The following TIAM1 variants were observed in gnomAD, a reference collection of about 807,000 sequenced individuals.
The protein encoded by TIAM1 is TIAM Rac1 associated GEF 1.
In TIAM1, 65 loss-of-function variants were observed where a neutral mutation model predicts 163.5. That is an observed-to-expected ratio of 0.40 (90% CI 0.33 to 0.49). The LOEUF (loss-of-function observed/expected upper bound fraction) is 0.49. Ranked by LOEUF, TIAM1 falls within the 20% of genes least tolerant of loss-of-function variation. The pLI, the probability that TIAM1 is intolerant of heterozygous loss-of-function variation, is 0.77. For synonymous variants in TIAM1, 833 were observed against 810.1 expected, an observed-to-expected ratio of 1.03 and a Z score of -0.48; for missense variants, 1,789 against 2,044.7, an observed-to-expected ratio of 0.87 and a Z score of 2.41.
chr21:31,353,683 A>G (rs2076269733), intron 2 of TIAM1, among the ~76,000 whole-genome samples: 1 of 152,284 alleles, frequency 6.6e-6, no homozygotes, highest in East Asian at 1.9e-4. Flanking sequence ...TCAACAAGTA[A>G]GAGGCAGGTC....
intron 2 of TIAM1, among the ~76,000 whole-genome samples, chr21:31,402,033 T>C (rs1336360644): frequency 6.6e-6 from 1 of 151,690 alleles, no homozygotes; most frequent in Non-Finnish European, 1.5e-5. Context: ...GCCAACATGG[T>C]GAAACCCCGT....
At chr21:31,210,273 T>G in intron 10 of TIAM1, 58 bp from the exon 11 acceptor site, 1 of 1,565,256 alleles carries the variant, frequency 6.4e-7, no homozygotes, top group Non-Finnish European at 8.7e-7. Flanking sequence ...CAACCCTAGA[T>G]TCCCAGACTG....
At chr21:31,387,998 C>T (rs1276126313) in intron 2 of TIAM1, among the ~76,000 whole-genome samples, 1 of 152,052 alleles carries the variant, frequency 6.6e-6, no homozygotes, top group Non-Finnish European at 1.5e-5. Flanking sequence ...GTGGCACCTT[C>T]TCTCACTCTG....
chr21:31,272,619 T>G (rs2073109711), intron 3 of TIAM1, among the ~76,000 whole-genome samples: 1 of 152,192 alleles, frequency 6.6e-6, no homozygotes, highest in South Asian at 2.1e-4. Flanking sequence ...TGCATACAAT[T>G]TCCTGTGAAT....
intron 2 of TIAM1, among the ~76,000 whole-genome samples, chr21:31,384,226 G>T (rs545218296): frequency 6.6e-6 from 1 of 151,532 alleles, no homozygotes; most frequent in Non-Finnish European, 1.5e-5. Flanking sequence ...ATCTGAAGAG[G>T]ATGGAAATAG....
Position 31,395,519 on chromosome 21 carries a change from A to G in TIAM1, c.-368-56097T>C, listed in dbSNP as rs1178770806. ...CACAGCCAATCACCAGATACGCCAC[A>G]GAGGCGAAGAGAAGGGCCAACCCTG... On this transcript the variant is annotated intron_variant, in intron 2 of 28. Coordinates refer to the TIAM1 transcript ENST00000286827. The surrounding 1 kb of genome is among the most constrained non-coding windows in gnomAD (Gnocchi z 7.5). 1.3e-5 allele frequency among the ~76,000 whole-genome samples: 2 copies of G among 152,224 alleles called. No homozygotes were observed. The highest frequency in any genetic ancestry group is 2.9e-5 in the Non-Finnish European group (2 of 68,044).
intron 2 of TIAM1, among the ~76,000 whole-genome samples, chr21:31,424,425 G>A (rs544457787): frequency 6.6e-6 from 1 of 152,302 alleles, no homozygotes; most frequent in Non-Finnish European, 1.5e-5. Flanking sequence ...TAAACGAAAT[G>A]CGGTGTAGAC....
chr21:31,157,936 G>T (rs1377980389), intron 16 of TIAM1, among the ~76,000 whole-genome samples: 4 of 152,118 alleles, frequency 2.6e-5, no homozygotes, highest in Non-Finnish European at 5.9e-5. Flanking sequence ...CATATCAAAG[G>T]CAGGAAATTC....
Position 31,266,291 on chromosome 21 carries a change from T to C in TIAM1, c.682A>G (p.Arg228Gly). The C allele has an allele frequency of 1.2e-6, 2 of 1,614,230 alleles. No homozygotes were observed. Among genetic ancestry groups the C allele is most frequent in the Non-Finnish European group, 1.7e-6 (2 of 1,180,038 alleles). The change falls in exon 4 of 28, where the codon AGA becomes GGA. Residue 228 changes from arginine to glycine, a missense_variant. Physicochemically the swap from Arg to Gly is moderately radical, Grantham distance 125. Around this residue, in one of 5 missense-constraint regions of TIAM1, gnomAD observed 555 missense variants for 564.9 expected, o/e 0.98. Transcript: ENST00000541036. ...TACAAGTCACCCAAGGAATTGGCTC[T>C]CTGACAGGTGCTGAGCTGCCGCGGA... ...ASPRQLSTCQRANSLGDLYAQ... is the reference protein window; with the variant it reads ...ASPRQLSTCQGANSLGDLYAQ...
At chr21:31,409,960 G>A (rs1050580839) in intron 2 of TIAM1, among the ~76,000 whole-genome samples, 1 of 151,840 alleles carries the variant, frequency 6.6e-6, no homozygotes, top group Non-Finnish European at 1.5e-5. Flanking sequence ...TCCTTTGAGA[G>A]AAAAAAGGAG....
intron 1 of TIAM1, among the ~76,000 whole-genome samples, chr21:31,522,764 C>T (rs894563289): frequency 6.6e-6 from 1 of 152,196 alleles, no homozygotes; most frequent in African/African-American, 2.4e-5. Context: ...CAAATGGGAT[C>T]ACTGGCTATA....
intron 2 of TIAM1, among the ~76,000 whole-genome samples, chr21:31,367,352 C>A (rs1239297116): frequency 6.6e-6 from 1 of 152,122 alleles, no homozygotes; most frequent in Non-Finnish European, 1.5e-5. Context: ...TTGATTTGCA[C>A]CAAGACTTAG....
At chr21:31,157,569 G>A (rs955786567) in intron 16 of TIAM1, among the ~76,000 whole-genome samples, 1 of 151,960 alleles carries the variant, frequency 6.6e-6, no homozygotes, top group African/African-American at 2.4e-5. Flanking sequence ...ACAGCTCAGG[G>A]TGCAAGGCAG....
chr21:31,431,057 A>ACCAGGC (rs776752267), intron 2 of TIAM1, among the ~76,000 whole-genome samples: 45 of 152,290 alleles, frequency 3.0e-4, no homozygotes, highest in Non-Finnish European at 4.0e-4. Context: ...CCCAGAGGTG[A>ACCAGGC]CCAGGCCCTT....
chr21:31,343,651 C>T (rs1488412693), intron 1 of TIAM1, among the ~76,000 whole-genome samples: 1 of 152,068 alleles, frequency 6.6e-6, no homozygotes. Flanking sequence ...CTGAATATTC[C>T]TTCGGAACTT....
rs530742315 is a variant in TIAM1 at position 31,169,982 on chromosome 21, G to C, written c.2888-4917C>G. On this transcript the variant is annotated intron_variant, in intron 15 of 27. Coordinates refer to ENST00000541036, the MANE Select transcript of TIAM1 (RefSeq NM_001353694.2). The stretch of plus-strand genomic sequence containing the variant: ...GAATTTATAAATGCAACCTAGAAGA[G>C]GACAGGAAAGGAAAAGAAAAACAAG... 5.9e-5 allele frequency among the ~76,000 whole-genome samples: 9 copies of C among 151,930 alleles called. No individual in the cohort carries two copies. In the South Asian group the frequency reaches 1.9e-3, roughly 32 times the overall value.
At chr21:31,483,314 C>T (rs1292055890) in intron 1 of TIAM1, among the ~76,000 whole-genome samples, 1 of 152,170 alleles carries the variant, frequency 6.6e-6, no homozygotes, top group Non-Finnish European at 1.5e-5. Flanking sequence ...CCCCACGCTT[C>T]AACCCGAGAT....
At chr21:31,488,178 T>C (rs1569376375) in intron 1 of TIAM1, among the ~76,000 whole-genome samples, 2 of 152,226 alleles carry the variant, frequency 1.3e-5, no homozygotes, top group Admixed American at 6.5e-5. Context: ...GGCAGGAGAC[T>C]GTCAGGCAGG....
chr21:31,209,611 C>T (rs1480021100), intron 11 of TIAM1, among the ~76,000 whole-genome samples: 1 of 152,154 alleles, frequency 6.6e-6, no homozygotes, highest in Non-Finnish European at 1.5e-5. Flanking sequence ...AGAACAGTAC[C>T]CATAATATGA....
Sources: gnomAD v4.1 joint callset for allele counts (sites outside exome capture counted in the v4.1 genomes callset) on GRCh38, gnomAD v4.1.1 for gene constraint, gnomAD v4.1.1 regional missense constraint, Gnocchi (gnomAD v3.1) non-coding constraint, MANE v1.5 for transcripts, NCBI Gene and HGNC (gene_info 2026-07-23, HGNC 2026-07-21) for gene names.